WDR86: variants seen among roughly 807,000 people sequenced by gnomAD.
The protein encoded by WDR86 is WD repeat-containing protein 86.
A neutral mutation model predicts 36.5 loss-of-function variants in WDR86; 30 were observed. The observed-to-expected ratio is 0.82, with a 90% confidence interval of 0.61 to 1.11. The LOEUF is 1.11. Among genes scored for constraint, WDR86 ranks in the 50% most tolerant of loss-of-function variants. The pLI is 0.00. For synonymous variants in WDR86, 255 were observed against 252.9 expected (o/e 1.01, Z -0.08); for missense variants, 545 against 561.2 (o/e 0.97, Z 0.29).
intron 3 of WDR86, 145 bp from the exon 4 acceptor site, chr7:151,385,368 C>A (rs1798899959): frequency 7.2e-7 from 1 of 1,386,108 alleles, no homozygotes; most frequent in East Asian, 2.5e-5. Flanking sequence ...ACCGGCCCCA[C>A]CAGACTGCCC....
upstream of WDR86, chr7:151,410,075 G>C (rs1373426314): frequency 1.0e-6 from 1 of 986,092 alleles, no homozygotes; most frequent in Non-Finnish European, 1.2e-6. Flanking sequence ...CCCCTCACCC[G>C]ATCCCCTCCC....
At position 151,381,477 on chromosome 7, in the gene WDR86, C is replaced by G. The variant is rs1798557433; in HGVS notation, c.*105G>C. The G allele has an allele frequency of 6.1e-6, 9 of 1,469,870 alleles. No homozygotes were observed. Among genetic ancestry groups the G allele is most frequent in the Non-Finnish European group, 8.0e-6 (9 of 1,120,442 alleles). 91.1% of individuals were successfully genotyped at this position (1,469,870 alleles called of 1,614,324 possible). A position where few individuals can be genotyped will look rare whatever the true frequency, so the allele number is the denominator to read the frequency against. Reference sequence around the variant, plus strand: ...CTCCTCCCGCCCGGGCTTCCTCGCTCCTCGCCCCTCGCCGGCCATCGGGCG... The same window carrying G: ...CTCCTCCCGCCCGGGCTTCCTCGCTGCTCGCCCCTCGCCGGCCATCGGGCG... On this transcript the variant is annotated 3_prime_UTR_variant, in exon 6 of 6. Transcript: ENST00000334493. This position sits in a 1 kb window ranked among gnomAD's most constrained non-coding sequence, Gnocchi z 4.8.
At position 151,405,860 on chromosome 7, in the gene WDR86, T is replaced by A. The variant is rs1412756743; in HGVS notation, c.163+3567A>T. On this transcript the variant is annotated intron_variant, in intron 1 of 5. Transcript: ENST00000334493. This position sits in a 1 kb window ranked among gnomAD's most constrained non-coding sequence, Gnocchi z 4.7. The stretch of plus-strand genomic sequence containing the variant: ...ATTAACAACAATCCCCGCCCCCTCA[T>A]GTTAGAAGACGAGGAAGCGTGTGGG... Among the ~76,000 whole-genome samples, 1 of 152,128 alleles carries A rather than the reference T, an allele frequency of 6.6e-6. No individual in the cohort carries two copies. The highest frequency in any genetic ancestry group is 1.5e-5 in the Non-Finnish European group (1 of 68,028).
At chr7:151,403,959 C>T (rs983589839) in intron 1 of WDR86, among the ~76,000 whole-genome samples, 2 of 152,128 alleles carry the variant, frequency 1.3e-5, no homozygotes, top group South Asian at 2.1e-4. Context: ...CTGCTCCCGA[C>T]GCATCTCAGC....
chr7:151,375,402 T>C (rs1239265098), downstream of WDR86, among the ~76,000 whole-genome samples: 1 of 152,046 alleles, frequency 6.6e-6, no homozygotes, highest in African/African-American at 2.4e-5. Context: ...GAAAGGAAAG[T>C]CTCCACAGGG....
At chr7:151,394,888 T>C (rs1005483139) in intron 3 of WDR86, among the ~76,000 whole-genome samples, 2 of 152,250 alleles carry the variant, frequency 1.3e-5, no homozygotes, top group Admixed American at 6.5e-5. Context: ...CACAGTCACA[T>C]GTCTCTTCAG....
At chr7:151,384,348 T>C (rs1798819659) in intron 4 of WDR86, among the ~76,000 whole-genome samples, 1 of 152,236 alleles carries the variant, frequency 6.6e-6, no homozygotes, top group Admixed American at 6.5e-5. Context: ...TCTCTATCTC[T>C]TGCAGACAGA....
chr7:151,381,037 G>C, downstream of WDR86: 1 of 756,662 alleles, frequency 1.3e-6, no homozygotes, highest in Non-Finnish European at 1.7e-6. This position sits in a 1 kb window ranked among gnomAD's most constrained non-coding sequence, Gnocchi z 4.8. Flanking sequence ...GAGGGCAGGA[G>C]GCCCGCCGCC....
chr7:151,390,673 A>C lies in WDR86; in HGVS notation c.726+5103T>G, dbSNP rs7798377. On this transcript the variant is annotated intron_variant, in intron 3 of 5. Coordinates refer to ENST00000334493, the MANE Select transcript of WDR86 (RefSeq NM_198285.3). The surrounding 1 kb of genome is among the most constrained non-coding windows in gnomAD (Gnocchi z 4.5). ...TATCAACAGGTGACGGATAAGCGCA[A>C]TGTGGTATCCACATACCAGGGAATA... Among the ~76,000 whole-genome samples, 25,078 of 152,216 alleles carry C rather than the reference A, an allele frequency of 0.16. 2,268 individuals carry two copies. The highest frequency in any genetic ancestry group is 0.24 in the African/African-American group (10,124 of 41,526).
chr7:151,386,223 T>C (rs1798971011), intron 3 of WDR86, among the ~76,000 whole-genome samples: 1 of 151,980 alleles, frequency 6.6e-6, no homozygotes, highest in South Asian at 2.1e-4. Context: ...CTCCTAACCT[T>C]CCCCTCACGA....
At chr7:151,372,270 ATCTT>A (rs1219166043), downstream of WDR86, among the ~76,000 whole-genome samples, 2 of 152,250 alleles carry the variant, frequency 1.3e-5, no homozygotes, top group South Asian at 2.1e-4. Context: ...GATCTACTTT[ATCTT>A]TCTAACTCAT....
chr7:151,409,688 A>T lies in WDR86; in HGVS notation c.-99T>A. ...CTCCGTACGACTGCGGCCCGCGGCC[A>T]TCGCGGGGAACGGGGAGCCCGACTC... On this transcript the variant is annotated 5_prime_UTR_variant, in exon 1 of 6. It removes an upstream start codon present in the reference 5' UTR. Coordinates refer to ENST00000334493, the MANE Select transcript of WDR86 (RefSeq NM_198285.3). This position sits in a 1 kb window ranked among gnomAD's most constrained non-coding sequence, Gnocchi z 5.2. 7.7e-7 allele frequency: 1 copy of T among 1,291,796 alleles called. No individual in the cohort carries two copies. The highest frequency in any genetic ancestry group is 9.8e-7 in the Non-Finnish European group (1 of 1,023,032). The allele number at this position is 1,291,796 out of a possible 1,614,324, so 80.0% of individuals were successfully genotyped here.
chr7:151,379,680 A>G (rs1330870969), downstream of WDR86, among the ~76,000 whole-genome samples: 1 of 152,138 alleles, frequency 6.6e-6, no homozygotes, highest in African/African-American at 2.4e-5. Context: ...GTGTGTTGCT[A>G]TAAAAATGCA....
chr7:151,389,103 TTTTTC>T (rs1246594419), intron 3 of WDR86, among the ~76,000 whole-genome samples: 1 of 145,306 alleles, frequency 6.9e-6, no homozygotes, highest in African/African-American at 2.6e-5. Flanking sequence ...TCTGCACCTT[TTTTTC>T]TTTTCTTTCC....
chr7:151,381,993 C>T lies in WDR86; in HGVS notation c.863-12G>A. The T allele has an allele frequency of 6.3e-7, 1 of 1,587,536 alleles. No homozygotes were observed. The highest frequency in any genetic ancestry group is 8.6e-7 in the Non-Finnish European group (1 of 1,167,894). On this transcript the variant is annotated splice_polypyrimidine_tract_variant and intron_variant, in intron 4 of 5. Coordinates refer to ENST00000334493, the MANE Select transcript of WDR86 (RefSeq NM_198285.3). This position sits in a 1 kb window ranked among gnomAD's most constrained non-coding sequence, Gnocchi z 4.8. ...GCTGCCCGTGAACACTGCGGACACA[C>T]AGCGCGCGCTGGGCCTCCCTCCCTG...
rs1799307424 is a variant in WDR86 at position 151,390,125 on chromosome 7, CCA to C, written c.727-4904_727-4903del. The stretch of plus-strand genomic sequence containing the variant: ...TGGGGTGTAATGGCCAGCCCTGGTG[CCA>C]CGAACCAAGGGACAGTCAGAGCTCG... On this transcript the variant is annotated intron_variant, in intron 3 of 5. Coordinates refer to ENST00000334493, the MANE Select transcript of WDR86 (RefSeq NM_198285.3). This position sits in a 1 kb window ranked among gnomAD's most constrained non-coding sequence, Gnocchi z 4.5. Among the ~76,000 whole-genome samples the C allele has an allele frequency of 6.6e-6, 1 of 152,246 alleles. No individual in the cohort carries two copies. Among genetic ancestry groups the C allele is most frequent in the East Asian group, 1.9e-4 (1 of 5,162 alleles).
Position 151,408,732 on chromosome 7 carries a change from C to T in WDR86, c.163+695G>A, listed in dbSNP as rs559956962. The T allele has an allele frequency of 1.5e-4, 58 of 381,634 alleles. No individual in the cohort carries two copies. In the East Asian group the frequency reaches 4.2e-3, roughly 28 times the overall value. The allele number at this position is 381,634 out of a possible 1,614,324, so 23.6% of individuals were successfully genotyped here. The stretch of plus-strand genomic sequence containing the variant: ...GAAAGGGACCTCACAGTGCATGGGA[C>T]AGGCCCAGGGGAAGGTGCACCCGAG... On this transcript the variant is annotated intron_variant, in intron 1 of 5. Coordinates refer to ENST00000334493, the MANE Select transcript of WDR86 (RefSeq NM_198285.3).
In WDR86 at chr7:151,405,721, C is replaced by G. The variant is rs146800367; in HGVS notation, c.163+3706G>C. 0.016 allele frequency among the ~76,000 whole-genome samples: 2,453 copies of G among 152,292 alleles called. 33 individuals are homozygous for G. Among genetic ancestry groups the G allele is most frequent in the Middle Eastern group, 0.024 (7 of 294 alleles). ...GCTGTGGCTCTTGTCACCAGCGTGCCGCAGGCCTCCTTCAGCCCAGTCTTC... is the reference window on the plus strand; with the variant it reads ...GCTGTGGCTCTTGTCACCAGCGTGCGGCAGGCCTCCTTCAGCCCAGTCTTC... On this transcript the variant is annotated intron_variant, in intron 1 of 5. Coordinates refer to ENST00000334493, the MANE Select transcript of WDR86 (RefSeq NM_198285.3). The surrounding 1 kb of genome is among the most constrained non-coding windows in gnomAD (Gnocchi z 4.7).
chr7:151,401,009 G>A lies in WDR86; in HGVS notation c.164-768C>T, dbSNP rs567862202. 4.6e-5 allele frequency among the ~76,000 whole-genome samples: 7 copies of A among 152,300 alleles called. No individual in the cohort carries two copies. Among genetic ancestry groups the A allele is most frequent in the Admixed American group, 2.6e-4 (4 of 15,298 alleles). The stretch of plus-strand genomic sequence containing the variant: ...TTAAGATGCCAGTGAGACATGTGAC[G>A]TATGAACAGGGATGCACAGCCACTG... On this transcript the variant is annotated intron_variant, in intron 1 of 5. Transcript: ENST00000334493. This position sits in a 1 kb window ranked among gnomAD's most constrained non-coding sequence, Gnocchi z 4.3.
Sources: allele counts gnomAD v4.1 joint callset (sites outside exome capture counted in the v4.1 genomes callset), GRCh38; gene constraint gnomAD v4.1.1; non-coding constraint Gnocchi (gnomAD v3.1); transcripts MANE v1.5; gene names NCBI Gene and HGNC (gene_info 2026-07-23, HGNC 2026-07-21).